Variants in CXCL13 observed in about 807,000 individuals in gnomAD.
CXCL13 encodes the protein C-X-C motif chemokine 13.
CXCL13 carries 7 observed loss-of-function variants against 12.2 expected under a neutral mutation model. That is an observed-to-expected ratio of 0.57 (90% CI 0.33 to 1.07). The LOEUF (loss-of-function observed/expected upper bound fraction) is 1.07. CXCL13 is among the 50% of genes least tolerant of loss of function. CXCL13 has a pLI of 0.04. For missense variants in CXCL13, 113 were observed against 127.4 expected (o/e 0.89, Z 0.55); for synonymous variants, 47 against 42.4 (o/e 1.11, Z -0.42).
chr4:77,547,602 C>G lies in CXCL13; in HGVS notation c.-43+35814C>G, dbSNP rs545984322. Among the ~76,000 whole-genome samples the G allele has an allele frequency of 2.5e-4, 38 of 152,140 alleles. 2 individuals are homozygous for G. In the South Asian group the frequency reaches 7.3e-3, roughly 29 times the overall value. Reference sequence around the variant, plus strand: ...ATTTTCTTGGTAGATCTTCCTCCATCCCTTTATTTTGAGCTTATGTGTGTC... The same window carrying G: ...ATTTTCTTGGTAGATCTTCCTCCATGCCTTTATTTTGAGCTTATGTGTGTC... On this transcript the variant is annotated intron_variant, in intron 1 of 4. Transcript: ENST00000286758.
chr4:77,570,463 G>A (rs550927036), intron 1 of CXCL13, among the ~76,000 whole-genome samples: 2 of 152,310 alleles, frequency 1.3e-5, no homozygotes, highest in Admixed American at 6.5e-5. Context: ...AGGCATGGTG[G>A]CTCATGCCTG....
At chr4:77,574,851 G>T (rs1726168510) in intron 1 of CXCL13, among the ~76,000 whole-genome samples, 1 of 151,904 alleles carries the variant, frequency 6.6e-6, no homozygotes, top group Non-Finnish European at 1.5e-5. Flanking sequence ...TTAAAGGGAA[G>T]ATAAAAGCTG....
intron 1 of CXCL13, among the ~76,000 whole-genome samples, chr4:77,540,413 G>T (rs919694416): frequency 5.9e-5 from 9 of 152,002 alleles, no homozygotes; most frequent in African/African-American, 2.2e-4. Context: ...CTGCCTCCCT[G>T]CCTCCTTCCT....
At chr4:77,583,352 C>G (rs1445059298) in intron 1 of CXCL13, among the ~76,000 whole-genome samples, 1 of 152,190 alleles carries the variant, frequency 6.6e-6, no homozygotes, top group Non-Finnish European at 1.5e-5. Context: ...TCCTTCATCT[C>G]CCAACACAGT....
intron 3 of CXCL13, 44 bp from the exon 4 acceptor site, chr4:77,610,944 G>C: frequency 6.5e-7 from 1 of 1,547,366 alleles, no homozygotes; most frequent in Non-Finnish European, 8.9e-7. Flanking sequence ...AGTTTCTTGT[G>C]TTTCTCTAAA....
intron 1 of CXCL13, among the ~76,000 whole-genome samples, chr4:77,534,526 G>C (rs1191702888): frequency 1.3e-5 from 2 of 152,154 alleles, no homozygotes; most frequent in Non-Finnish European, 2.9e-5. Flanking sequence ...ATGTGTCATT[G>C]GGAGAAACAG....
chr4:77,522,682 T>C (rs1724641768), intron 1 of CXCL13, among the ~76,000 whole-genome samples: 1 of 151,978 alleles, frequency 6.6e-6, no homozygotes, highest in Non-Finnish European at 1.5e-5. Context: ...GTTTGTGTGT[T>C]TTAATTGGGG....
At chr4:77,571,346 A>G (rs1357296863) in intron 1 of CXCL13, among the ~76,000 whole-genome samples, 3 of 149,592 alleles carry the variant, frequency 2.0e-5, no homozygotes, top group African/African-American at 5.0e-5. Context: ...GAGTGCACCA[A>G]TCGACACTCT....
intron 1 of CXCL13, among the ~76,000 whole-genome samples, chr4:77,532,512 C>G (rs1724953131): frequency 6.6e-6 from 1 of 152,140 alleles, no homozygotes; most frequent in Admixed American, 6.5e-5. Context: ...GTGAATCTGA[C>G]AATTCTGTAT....
intron 1 of CXCL13, among the ~76,000 whole-genome samples, chr4:77,572,856 T>A (rs565933431): frequency 6.6e-6 from 1 of 151,968 alleles, no homozygotes; most frequent in East Asian, 1.9e-4. Context: ...AGTGGTAGAT[T>A]GGATAAAGAA....
chr4:77,565,687 C>T (rs764790403), intron 1 of CXCL13, among the ~76,000 whole-genome samples: 4 of 152,074 alleles, frequency 2.6e-5, no homozygotes, highest in African/African-American at 4.8e-5. Context: ...TGATCCTGCC[C>T]TCAAAGGACT....
In CXCL13 at chr4:77,526,887, A is replaced by T. The variant is rs143243446; in HGVS notation, c.-43+15099A>T. On this transcript the variant is annotated intron_variant, in intron 1 of 4. Coordinates refer to the CXCL13 transcript ENST00000286758. ...TTGAACAGCCAAGCAGATTGGTCAC[A>T]GGGCCACTCTTCTTCCTGGTTAAAC... is the stretch of plus-strand genomic sequence containing the variant. 5.4e-3 allele frequency among the ~76,000 whole-genome samples: 828 copies of T among 152,250 alleles called. 8 individuals carry two copies. Among genetic ancestry groups the T allele is most frequent in the African/African-American group, 0.018 (728 of 41,562 alleles).
At chr4:77,600,239 C>T (rs774347051) in intron 1 of CXCL13, among the ~76,000 whole-genome samples, 7 of 151,880 alleles carry the variant, frequency 4.6e-5, no homozygotes, top group Non-Finnish European at 1.0e-4. Context: ...GGAAGAGACA[C>T]ACACCCCTAG....
chr4:77,585,854 G>T (rs1406671010), intron 1 of CXCL13, among the ~76,000 whole-genome samples: 2 of 151,204 alleles, frequency 1.3e-5, no homozygotes, highest in African/African-American at 4.9e-5. Flanking sequence ...CTCATCATGA[G>T]GGATGAAATC....
intron 1 of CXCL13, among the ~76,000 whole-genome samples, chr4:77,554,687 C>T (rs1204621492): frequency 6.6e-6 from 1 of 152,026 alleles, no homozygotes; most frequent in Non-Finnish European, 1.5e-5. Context: ...ATCAAGGCAA[C>T]ATATATGCAG....
chr4:77,572,610 G>C (rs1726114354), intron 1 of CXCL13, among the ~76,000 whole-genome samples: 1 of 151,852 alleles, frequency 6.6e-6, no homozygotes, highest in Non-Finnish European at 1.5e-5. Flanking sequence ...AGGTTGCAAA[G>C]AAAAAGGAAT....
chr4:77,531,522 G>C (rs1724916948), intron 1 of CXCL13, among the ~76,000 whole-genome samples: 1 of 152,074 alleles, frequency 6.6e-6, no homozygotes, highest in African/African-American at 2.4e-5. Flanking sequence ...TGTATATTCT[G>C]TTGATTTGGG....
chr4:77,553,088 G>A (rs532736924), intron 1 of CXCL13, among the ~76,000 whole-genome samples: 20 of 152,292 alleles, frequency 1.3e-4, no homozygotes, highest in South Asian at 4.1e-4. Context: ...CACGGTCTTA[G>A]GGTAGCAGAT....
At chr4:77,555,710 T>C (rs1218671265) in intron 1 of CXCL13, among the ~76,000 whole-genome samples, 2 of 152,144 alleles carry the variant, frequency 1.3e-5, no homozygotes, top group African/African-American at 4.8e-5. Context: ...CCCAACAGAT[T>C]TGTTGTTTGT....
Sources: gnomAD v4.1 joint callset for allele counts (sites outside exome capture counted in the v4.1 genomes callset) on GRCh38, gnomAD v4.1.1 for gene constraint, MANE v1.5 for transcripts, NCBI Gene and HGNC (gene_info 2026-07-23, HGNC 2026-07-21) for gene names.